Variants in CAPN12 observed in about 807,000 individuals in gnomAD.
The protein encoded by CAPN12 is calpain 12.
Under a neutral mutation model 95.0 loss-of-function variants are expected in CAPN12, and 107 were observed. That is an observed-to-expected ratio of 1.13 (90% CI 0.96 to 1.32). The LOEUF is 1.32. CAPN12 is among the 40% of genes most tolerant of loss of function. The probability of loss-of-function intolerance (pLI) is 0.00; values close to 1 mark genes in which losing one functional copy is unlikely to be tolerated. For missense variants in CAPN12, 1,136 were observed against 997.8 expected (o/e 1.14, Z -1.87); for synonymous variants, 505 against 415.5 (o/e 1.22, Z -2.62).
chr19:38,738,863 G>A, intron 5 of CAPN12: 1 of 590,538 alleles, frequency 1.7e-6, no homozygotes. Flanking sequence ...TGGAGGTACG[G>A]GCTCACGCCT....
At chr19:38,735,202 T>C in intron 14 of CAPN12, 168 bp downstream of exon 14, 1 of 688,094 alleles carries the variant, frequency 1.5e-6, no homozygotes, top group East Asian at 2.7e-5. Context: ...CCCAAGGCCC[T>C]GAGGCAGGGA....
At position 38,737,362 on chromosome 19, in the gene CAPN12, G is replaced by A. The variant is rs762559161; in HGVS notation, c.1156C>T (p.Arg386Cys). Reference protein sequence around the residue: ...AETFWTNPQFRLTLLEPDEED... With the variant: ...AETFWTNPQFCLTLLEPDEED... ...TCATCAGGCTCCAGCAGCGTTAAAC[G>A]GAACTGAGGATTGGTCCAGAAGGTT... The change falls in exon 10 of 21, where the codon CGT (arginine) becomes TGT (cysteine). Residue 386 changes from arginine to cysteine, a missense_variant. By Grantham distance (180) the Arg-to-Cys change is radical. Coordinates refer to ENST00000328867, the MANE Select transcript of CAPN12 (RefSeq NM_144691.4). 1.9e-6 allele frequency: 3 copies of A among 1,598,882 alleles called. No homozygotes were observed. The highest frequency in any genetic ancestry group is 2.6e-6 in the Non-Finnish European group (3 of 1,174,878).
At chr19:38,739,965 A>G in intron 5 of CAPN12, 86 bp downstream of exon 5, 1 of 1,349,100 alleles carries the variant, frequency 7.4e-7, no homozygotes, top group Non-Finnish European at 9.8e-7. Context: ...AGCAGAGAAC[A>G]GAGGAAGCAC....
At chr19:38,742,668 C>CTCCACT (rs1399554392) in intron 2 of CAPN12, 140 bp from the exon 3 acceptor site, 22 of 635,080 alleles carry the variant, frequency 3.5e-5, no homozygotes, top group Non-Finnish European at 5.6e-5. Flanking sequence ...GCCTGGCCAA[C>CTCCACT]ATGGCAAGAC....
At position 38,735,363 on chromosome 19, in the gene CAPN12, T is replaced by TC; in HGVS notation, c.1686+6dup. On this transcript the variant is annotated splice_region_variant and intron_variant, in intron 14 of 20. Transcript: ENST00000328867. ...GGATACCCCCTCAGTCCAATCCCCC[T>TC]CCTCACCTCTCCAGCCAGCTCCTGA... The TC allele has an allele frequency of 6.3e-7, 1 of 1,583,784 alleles. No individual in the cohort carries two copies. Among genetic ancestry groups the TC allele is most frequent in the Non-Finnish European group, 8.6e-7 (1 of 1,162,864 alleles).
Position 38,730,980 on chromosome 19 carries a change from G to A in CAPN12, c.2118C>T (p.Cys706=), listed in dbSNP as rs1463765394. The A allele has an allele frequency of 6.4e-7, 1 of 1,551,126 alleles. No homozygotes were observed. Among genetic ancestry groups the A allele is most frequent in the Non-Finnish European group, 8.7e-7 (1 of 1,147,298 alleles). The part of the protein sequence containing the change: ...QHLDGGEGVI[C]LTHRQWMEVA... ...CCTGGCTCACCTGTCTGTGGGTCAG[G>A]CAGATGACCCCCTCACCCCCATCCA... Residue 706 remains cysteine, a synonymous_variant, in exon 20 of 21, where the codon TGC becomes TGT. Transcript: ENST00000328867.
In CAPN12 at chr19:38,740,049, AC is replaced by A; in HGVS notation, c.729+1del. On this transcript the variant is annotated splice_donor_variant, in intron 5 of 20. Transcript: ENST00000328867. LOFTEE classifies it high-confidence loss of function. ...TTCCGCATGCGAGTCCAGGTCTCTT[AC>A]CAGGGCAGTGGCGCCCACGAGGGAC... is the stretch of plus-strand genomic sequence containing the variant. The A allele has an allele frequency of 6.4e-7, 1 of 1,574,456 alleles. No homozygotes were observed. Among genetic ancestry groups the A allele is most frequent in the Non-Finnish European group, 8.6e-7 (1 of 1,159,710 alleles).
rs773644798 is a variant in CAPN12, at chr19:38,736,257, T to G, written c.1436A>C (p.Asp479Ala). 5 of 1,466,336 alleles carry G rather than the reference T, an allele frequency of 3.4e-6. No homozygotes were observed. In the South Asian group the frequency reaches 6.9e-5, roughly 20 times the overall value. The allele number at this position is 1,466,336 out of a possible 1,614,324, so 90.8% of individuals were successfully genotyped here. Residue 479 changes from aspartate to alanine, a missense_variant, in exon 12 of 21, where the codon GAC becomes GCC. Physicochemically the swap from Asp to Ala is moderately radical, Grantham distance 126 (BLOSUM62 -2). Coordinates refer to ENST00000328867, the MANE Select transcript of CAPN12 (RefSeq NM_144691.4). ...HALLPRLLRA[D>A]RSPLSARRDV... ...GCGGCGGGCGCTGAGGGGCGAGCGG[T>G]CGGCGCGCAGCAGCCGGGGCAGGAG...
Position 38,740,227 on chromosome 19 carries a change from G to A in CAPN12, c.561-8C>T, listed in dbSNP as rs1483540188. The A allele has an allele frequency of 6.3e-7, 1 of 1,593,242 alleles. No individual in the cohort carries two copies. Among genetic ancestry groups the A allele is most frequent in the Non-Finnish European group, 8.5e-7 (1 of 1,169,948 alleles). On this transcript the variant is annotated splice_region_variant and splice_polypyrimidine_tract_variant and intron_variant, in intron 4 of 20. Coordinates refer to ENST00000328867, the MANE Select transcript of CAPN12 (RefSeq NM_144691.4). ...TCATAGGAGCCGTGGAGCCTGTGGG[G>A]GCAGATCTGGGGTGAGGGTTGAGGC... is the stretch of plus-strand genomic sequence containing the variant.
Position 38,743,978 on chromosome 19 carries a change from A to G in CAPN12, c.188T>C (p.Leu63Pro). Residue 63 changes from leucine to proline, a missense_variant, in exon 1 of 21, where the codon CTG (leucine) becomes CCG (proline). Physicochemically the swap from Leu to Pro is moderately conservative, Grantham distance 98 (BLOSUM62 -3). Transcript: ENST00000328867. ...AGPDALGYDQ[L>P]GPDSEKAKGV... is the part of the protein sequence containing the mutation. The stretch of plus-strand genomic sequence containing the variant: ...TTTGGCCTTCTCCGAGTCCGGCCCC[A>G]GCTGGTCATAGCCAAGGGCATCAGG... 6.2e-7 allele frequency: 1 copy of G among 1,614,204 alleles called. No individual in the cohort carries two copies. The highest frequency in any genetic ancestry group is 8.5e-7 in the Non-Finnish European group (1 of 1,180,044).
chr19:38,732,809 G>A (rs970531813), intron 18 of CAPN12, among the ~76,000 whole-genome samples: 1 of 152,170 alleles, frequency 6.6e-6, no homozygotes, highest in African/African-American at 2.4e-5. Context: ...TTGGGGATCT[G>A]GGAACTCCAA....
chr19:38,736,788 C>G, intron 10 of CAPN12: 2 of 605,006 alleles, frequency 3.3e-6, no homozygotes, highest in Non-Finnish European at 5.8e-6. Flanking sequence ...ATCCTTGGTC[C>G]CCTCTGGCCC....
At chr19:38,738,223 C>G (rs760864420) in intron 8 of CAPN12, 50 bp downstream of exon 8, 2 of 1,519,958 alleles carry the variant, frequency 1.3e-6, no homozygotes, top group Admixed American at 1.9e-5. Context: ...TCCCTGAACC[C>G]CTTGGCAGAG....
At chr19:38,733,370 A>G (rs1350021616) in intron 18 of CAPN12, 1 of 290,374 alleles carries the variant, frequency 3.4e-6, no homozygotes, top group Non-Finnish European at 6.5e-6. Flanking sequence ...AATCCAGAAC[A>G]TTCTACCATG....
chr19:38,731,619 C>T (rs980456629), intron 18 of CAPN12: 1 of 238,846 alleles, frequency 4.2e-6, no homozygotes, highest in Non-Finnish European at 8.5e-6. Context: ...ACCTCAGAGG[C>T]GATTTCTAAA....
chr19:38,743,763 C>T (rs1490263536), intron 1 of CAPN12, among the ~76,000 whole-genome samples, 166 bp downstream of exon 1: 1 of 148,482 alleles, frequency 6.7e-6, no homozygotes, highest in Admixed American at 6.7e-5. Flanking sequence ...CCCAGGAGTC[C>T]AGGCCCAGCC....
At chr19:38,734,762 C>T in intron 15 of CAPN12, 51 bp downstream of exon 15, 2 of 1,566,410 alleles carry the variant, frequency 1.3e-6, no homozygotes, top group African/African-American at 1.4e-5. Flanking sequence ...GCTCTGGTTG[C>T]AGGACCCCTG....
chr19:38,731,423 G>A, intron 18 of CAPN12, 200 bp from the exon 19 acceptor site: 1 of 607,080 alleles, frequency 1.6e-6, no homozygotes, highest in Non-Finnish European at 3.0e-6. Flanking sequence ...GACTAAGACA[G>A]CCCCGACCCC....
intron 12 of CAPN12, among the ~76,000 whole-genome samples, 173 bp downstream of exon 12, chr19:38,735,937 G>GGGGGCGGGGC (rs1181718813): frequency 1.2e-4 from 1 of 8,294 alleles, no homozygotes; most frequent in African/African-American, 3.8e-4. Flanking sequence ...CGGGGGTTCT[G>GGGGGCGGGGC]GGGGCGGGGC....
Sources: gnomAD v4.1 joint callset for allele counts (sites outside exome capture counted in the v4.1 genomes callset) on GRCh38, gnomAD v4.1.1 for gene constraint, MANE v1.5 for transcripts, NCBI Gene and HGNC (gene_info 2026-07-23, HGNC 2026-07-21) for gene names.